The following SGCG variants were observed in gnomAD, a reference collection of about 807,000 sequenced individuals.
SGCG encodes the protein sarcoglycan gamma.
In SGCG, 26 loss-of-function variants were observed where a neutral mutation model predicts 29.3. That is an observed-to-expected ratio of 0.89 (90% CI 0.65 to 1.23). The LOEUF (loss-of-function observed/expected upper bound fraction) is 1.23, where lower values mean the gene tolerates loss of function less well. Among genes scored for constraint, SGCG ranks in the 50% most tolerant of loss-of-function variants. The pLI is 0.00. For synonymous variants in SGCG, 145 were observed against 129.7 expected (o/e 1.12, Z -0.80); for missense variants, 353 against 356.0 (o/e 0.99, Z 0.07).
chr13:23,309,400 C>T (rs1027710638), intron 6 of SGCG, among the ~76,000 whole-genome samples: 2 of 152,096 alleles, frequency 1.3e-5, no homozygotes, highest in Non-Finnish European at 2.9e-5. Context: ...CACCACCATA[C>T]CCAGCTTAGT....
chr13:23,295,842 G>A (rs1254562571), intron 6 of SGCG, among the ~76,000 whole-genome samples: 3 of 152,132 alleles, frequency 2.0e-5, no homozygotes, highest in Non-Finnish European at 4.4e-5. Context: ...GTGCTCCACT[G>A]GGCACCCACA....
At chr13:23,288,051 C>T (rs773035044) in intron 5 of SGCG, among the ~76,000 whole-genome samples, 1 of 152,204 alleles carries the variant, frequency 6.6e-6, no homozygotes, top group African/African-American at 2.4e-5. Context: ...CTGCGCCCAG[C>T]CAATAAGAAT....
At chr13:23,192,584 C>G (rs898237488) in intron 1 of SGCG, among the ~76,000 whole-genome samples, 2 of 151,722 alleles carry the variant, frequency 1.3e-5, no homozygotes, top group Non-Finnish European at 2.9e-5. Flanking sequence ...TTAGTAGAGA[C>G]GGGGTTTCAC....
At chr13:23,300,646 A>G (rs1323161892) in intron 6 of SGCG, among the ~76,000 whole-genome samples, 2 of 152,100 alleles carry the variant, frequency 1.3e-5, no homozygotes, top group Non-Finnish European at 1.5e-5. Flanking sequence ...ACTTCACGGT[A>G]TAGGAACTCC....
At chr13:23,299,732 G>T (rs766146969) in intron 6 of SGCG, among the ~76,000 whole-genome samples, 1 of 152,064 alleles carries the variant, frequency 6.6e-6, no homozygotes, top group East Asian at 1.9e-4. Flanking sequence ...GATTACAGGC[G>T]TTAGCCACCG....
intron 6 of SGCG, among the ~76,000 whole-genome samples, chr13:23,297,754 G>T (rs191478512): frequency 2.4e-4 from 37 of 152,226 alleles, no homozygotes; most frequent in Admixed American, 1.4e-3. Context: ...TTTAAGGCCA[G>T]ATTTTGGGGG....
intron 6 of SGCG, among the ~76,000 whole-genome samples, chr13:23,299,784 G>T (rs1304980110): frequency 6.6e-6 from 1 of 152,006 alleles, no homozygotes; most frequent in East Asian, 1.9e-4. Flanking sequence ...AAAATCATTT[G>T]CAAGGAAAGT....
intron 5 of SGCG, among the ~76,000 whole-genome samples, chr13:23,294,630 A>C (rs867609421): frequency 2.0e-5 from 3 of 152,218 alleles, no homozygotes; most frequent in African/African-American, 7.2e-5. Flanking sequence ...ATTACTTTCT[A>C]TCACATATTG....
At chr13:23,293,015 T>A (rs1881775204) in intron 5 of SGCG, among the ~76,000 whole-genome samples, 1 of 152,224 alleles carries the variant, frequency 6.6e-6, no homozygotes, top group African/African-American at 2.4e-5. Flanking sequence ...TTTTCCTCTC[T>A]ATGCCAAGCA....
chr13:23,272,943 G>T (rs1335754050), intron 4 of SGCG, among the ~76,000 whole-genome samples: 1 of 151,936 alleles, frequency 6.6e-6, no homozygotes, highest in African/African-American at 2.4e-5. Flanking sequence ...TAATTCAATG[G>T]TTACTTTTCA....
At chr13:23,197,964 G>A (rs765054530) in intron 1 of SGCG, among the ~76,000 whole-genome samples, 2 of 146,302 alleles carry the variant, frequency 1.4e-5, no homozygotes, top group African/African-American at 5.6e-5. Flanking sequence ...AAAAAAAGAC[G>A]TAACACTGAA....
At chr13:23,169,455 T>C in the SGCG span, among the ~76,000 whole-genome samples, 11 of 149,742 alleles carry the variant, frequency 7.3e-5, no homozygotes, top group East Asian at 1.4e-3. Context: ...CCGAGGCGGG[T>C]GGATCACGAG....
At chr13:23,297,486 G>A (rs5023401) in intron 6 of SGCG, among the ~76,000 whole-genome samples, 56,479 of 152,134 alleles carry the variant, frequency 0.37, 11,082 homozygotes, top group East Asian at 0.78. Context: ...TATTCCTTAC[G>A]GGAAACAAAG....
intron 5 of SGCG, among the ~76,000 whole-genome samples, chr13:23,293,249 A>G (rs1297238278): frequency 6.6e-6 from 1 of 152,226 alleles, no homozygotes; most frequent in African/African-American, 2.4e-5. Flanking sequence ...TATAATTTTC[A>G]TGAAACATTA....
At chr13:23,226,792 A>C (rs993742982) in intron 2 of SGCG, among the ~76,000 whole-genome samples, 4 of 152,172 alleles carry the variant, frequency 2.6e-5, no homozygotes, top group Non-Finnish European at 4.4e-5. Flanking sequence ...ACCGAGTTGC[A>C]GTTTAGGAAG....
intron 5 of SGCG, among the ~76,000 whole-genome samples, chr13:23,282,831 G>A (rs1056206967): frequency 4.6e-5 from 7 of 152,170 alleles, no homozygotes; most frequent in African/African-American, 1.7e-4. Flanking sequence ...CCTGTGCATT[G>A]CAGGACATTT....
intron 1 of SGCG, among the ~76,000 whole-genome samples, chr13:23,189,358 G>T (rs1877146013): frequency 6.6e-6 from 1 of 152,150 alleles, no homozygotes; most frequent in South Asian, 2.1e-4. Flanking sequence ...TGTATTTTTA[G>T]TAGAGATGGG....
chr13:23,285,325 G>A, intron 5 of SGCG, among the ~76,000 whole-genome samples: 1 of 152,202 alleles, frequency 6.6e-6, no homozygotes, highest in East Asian at 1.9e-4. Flanking sequence ...GGAATCTAGA[G>A]AGGCTGTCTG....
intron 1 of SGCG, among the ~76,000 whole-genome samples, chr13:23,201,200 C>T (rs964962413): frequency 2.6e-5 from 4 of 152,120 alleles, no homozygotes; most frequent in Admixed American, 6.5e-5. Context: ...AACAGGATTG[C>T]TGTCAGCTCT....
Sources: allele counts gnomAD v4.1 joint callset (sites outside exome capture counted in the v4.1 genomes callset), GRCh38; gene constraint gnomAD v4.1.1; transcripts MANE v1.5; gene names NCBI Gene and HGNC (gene_info 2026-07-23, HGNC 2026-07-21).